The following PDSS2 variants were observed in gnomAD, a reference collection of about 807,000 sequenced individuals.
PDSS2 encodes the protein decaprenyl diphosphate synthase subunit 2.
A neutral mutation model predicts 44.5 loss-of-function variants in PDSS2; 31 were observed. The ratio of observed to expected loss-of-function variants is 0.70; its 90% CI spans 0.52 to 0.94. PDSS2 has a LOEUF of 0.94. Ranked by LOEUF, PDSS2 falls within the 40% of genes least tolerant of loss-of-function variation. The pLI, the probability that PDSS2 is intolerant of heterozygous loss-of-function variation, is 0.00. For missense variants in PDSS2, 452 were observed against 482.2 expected (o/e 0.94, Z 0.59); for synonymous variants, 157 against 180.3 (o/e 0.87, Z 1.03).
chr6:107,300,784 T>TAC (rs992915484), intron 2 of PDSS2, among the ~76,000 whole-genome samples: 6 of 152,136 alleles, frequency 3.9e-5, no homozygotes, highest in South Asian at 4.2e-4. Flanking sequence ...AGCGTATGTA[T>TAC]ACACACACAC....
chr6:107,321,363 C>G (rs1172082042), intron 2 of PDSS2, among the ~76,000 whole-genome samples: 6 of 152,148 alleles, frequency 3.9e-5, no homozygotes, highest in Non-Finnish European at 7.4e-5. Flanking sequence ...GACACAAACC[C>G]TGACTTCTAG....
At chr6:107,310,167 C>A (rs1776989606) in intron 2 of PDSS2, among the ~76,000 whole-genome samples, 1 of 151,636 alleles carries the variant, frequency 6.6e-6, no homozygotes, top group Non-Finnish European at 1.5e-5. Flanking sequence ...CGCCTGTAGT[C>A]TCAGCTACTC....
intron 4 of PDSS2, among the ~76,000 whole-genome samples, chr6:107,217,330 T>G (rs1343008356): frequency 2.0e-5 from 3 of 152,150 alleles, no homozygotes; most frequent in Non-Finnish European, 4.4e-5. Context: ...TTTAACTGGA[T>G]GGGCTCAATG....
intron 7 of PDSS2, among the ~76,000 whole-genome samples, chr6:107,158,946 C>T (rs1771014022): frequency 6.6e-6 from 1 of 152,006 alleles, no homozygotes; most frequent in Non-Finnish European, 1.5e-5. Context: ...TCAGGCTGGT[C>T]TTGAACTCCT....
intron 1 of PDSS2, among the ~76,000 whole-genome samples, chr6:107,341,018 A>G (rs1275876368): frequency 6.6e-6 from 1 of 152,184 alleles, no homozygotes; most frequent in Non-Finnish European, 1.5e-5. Flanking sequence ...GAGAAATGTA[A>G]TTAGAGCTAA....
chr6:107,228,773 T>TAA (rs141706823), intron 4 of PDSS2, among the ~76,000 whole-genome samples: 32,571 of 152,072 alleles, frequency 0.21, 3,978 homozygotes, highest in East Asian at 0.33. Context: ...CAATAGTCTT[T>TAA]AAATCTGAAT....
intron 2 of PDSS2, among the ~76,000 whole-genome samples, chr6:107,292,948 A>T (rs931494057): frequency 6.6e-6 from 1 of 152,234 alleles, no homozygotes; most frequent in Non-Finnish European, 1.5e-5. Flanking sequence ...CTACCAAAAA[A>T]GCCTAACAAG....
At chr6:107,237,235 T>TTTTA (rs141596909) in intron 4 of PDSS2, among the ~76,000 whole-genome samples, 3,129 of 151,822 alleles carry the variant, frequency 0.021, 107 homozygotes, top group African/African-American at 0.071. Context: ...TCCTGGCCTC[T>TTTTA]TTTATTTATT....
chr6:107,208,503 G>A (rs1037546407), intron 6 of PDSS2, among the ~76,000 whole-genome samples: 4 of 151,372 alleles, frequency 2.6e-5, no homozygotes, highest in Non-Finnish European at 4.4e-5. Flanking sequence ...TACCATGTTG[G>A]CCAGGCTGGT....
At chr6:107,183,350 T>C (rs898131495) in intron 7 of PDSS2, among the ~76,000 whole-genome samples, 1 of 152,058 alleles carries the variant, frequency 6.6e-6, no homozygotes, top group Non-Finnish European at 1.5e-5. Flanking sequence ...GAGAGGGCAA[T>C]GCCAATGGCT....
chr6:107,459,425 A>T lies in PDSS2; in HGVS notation c.-140T>A. 1 of 687,346 alleles carries T rather than the reference A, an allele frequency of 1.5e-6. No homozygotes were observed. The highest frequency in any genetic ancestry group is 2.5e-6 in the Non-Finnish European group (1 of 400,730). The allele number at this position is 687,346 out of a possible 1,614,324, so 42.6% of individuals were successfully genotyped here. A position where few individuals can be genotyped will look rare whatever the true frequency, so the allele number is the denominator to read the frequency against. On this transcript the variant is annotated 5_prime_UTR_variant, in exon 1 of 8. Transcript: ENST00000369037. This position sits in a 1 kb window ranked among gnomAD's most constrained non-coding sequence, Gnocchi z 4.3. ...TCAGAGTAAGGTGGCTTCCTGGAGC[A>T]GTGACCAGAAACGAACTTTAACTGC... is the stretch of plus-strand genomic sequence containing the variant.
intron 1 of PDSS2, among the ~76,000 whole-genome samples, chr6:107,440,541 T>C (rs1273703245): frequency 6.6e-6 from 1 of 152,248 alleles, no homozygotes; most frequent in Non-Finnish European, 1.5e-5. Flanking sequence ...GACATGGCAC[T>C]TCTCACAACT....
At chr6:107,408,560 A>G (rs1780394734) in intron 1 of PDSS2, among the ~76,000 whole-genome samples, 1 of 152,124 alleles carries the variant, frequency 6.6e-6, no homozygotes, top group Non-Finnish European at 1.5e-5. Flanking sequence ...AGGGGTAACA[A>G]TCTCAAATGC....
intron 4 of PDSS2, among the ~76,000 whole-genome samples, chr6:107,241,599 A>G (rs555596664): frequency 5.9e-5 from 9 of 151,890 alleles, no homozygotes; most frequent in African/African-American, 1.9e-4. Flanking sequence ...GCCCGCCTCA[A>G]CCTCCCGAAG....
intron 1 of PDSS2, among the ~76,000 whole-genome samples, chr6:107,458,412 C>CAAAAAAAACAA (rs1782121269): frequency 1.3e-5 from 1 of 78,182 alleles, no homozygotes; most frequent in African/African-American, 6.4e-5. Context: ...GACTCCGTCT[C>CAAAAAAAACAA]AAAAAAAAAA....
chr6:107,255,696 A>G (rs754618230), intron 3 of PDSS2, among the ~76,000 whole-genome samples: 18 of 152,108 alleles, frequency 1.2e-4, no homozygotes, highest in Non-Finnish European at 2.1e-4. Context: ...GGTTTGAAAC[A>G]TTATTCAATA....
chr6:107,270,300 C>T (rs867768227), intron 3 of PDSS2, among the ~76,000 whole-genome samples: 9 of 151,740 alleles, frequency 5.9e-5, no homozygotes, highest in African/African-American at 1.7e-4. Context: ...TTAGTAGAGA[C>T]GGGATTTCAC....
At chr6:107,190,980 C>T (rs1772357098) in intron 7 of PDSS2, among the ~76,000 whole-genome samples, 1 of 152,094 alleles carries the variant, frequency 6.6e-6, no homozygotes, top group South Asian at 2.1e-4. Context: ...CAAGCTCCGC[C>T]TCCTGGGTTC....
chr6:107,454,799 T>C (rs186791675), intron 1 of PDSS2, among the ~76,000 whole-genome samples: 7 of 151,250 alleles, frequency 4.6e-5, no homozygotes, highest in Admixed American at 4.6e-4. Context: ...AAAATAAAAA[T>C]AAAAAAACAA....
Sources: gnomAD v4.1 joint callset for allele counts (sites outside exome capture counted in the v4.1 genomes callset) on GRCh38, gnomAD v4.1.1 for gene constraint, Gnocchi (gnomAD v3.1) non-coding constraint, MANE v1.5 for transcripts, NCBI Gene and HGNC (gene_info 2026-07-23, HGNC 2026-07-21) for gene names.